DCHS2: variants seen among roughly 807,000 people sequenced by gnomAD.
DCHS2 encodes protocadherin-23.
In DCHS2, 142 loss-of-function variants were observed where a neutral mutation model predicts 182.4. The observed-to-expected ratio is 0.78, with a 90% CI of 0.68 to 0.89. The LOEUF is 0.89. Among genes scored for constraint, DCHS2 ranks in the 40% least tolerant of loss-of-function variants. The pLI is 0.00. For missense variants in DCHS2, 4,319 were observed against 4,198.6 expected (o/e 1.03, Z -0.79); for synonymous variants, 1,740 against 1,663.3 (o/e 1.05, Z -1.12).
intron 1 of DCHS2, among the ~76,000 whole-genome samples, chr4:154,435,156 G>A (rs902576610): frequency 2.0e-5 from 3 of 152,172 alleles, no homozygotes; most frequent in African/African-American, 7.2e-5. Context: ...CAGAGAATCT[G>A]TACTATCCTT....
At chr4:154,401,731 G>A (rs987584177) in intron 1 of DCHS2, among the ~76,000 whole-genome samples, 3 of 152,280 alleles carry the variant, frequency 2.0e-5, no homozygotes, top group South Asian at 4.1e-4. Flanking sequence ...GGTAGCTCAC[G>A]CCTGTAATCC....
At chr4:154,330,521 C>A (rs187773771) in intron 5 of DCHS2, among the ~76,000 whole-genome samples, 2 of 152,184 alleles carry the variant, frequency 1.3e-5, no homozygotes, top group Admixed American at 6.5e-5. Flanking sequence ...GACAAGCACT[C>A]GGTCCAATAG....
At chr4:154,474,556 C>T (rs1223575903) in intron 1 of DCHS2, among the ~76,000 whole-genome samples, 1 of 152,186 alleles carries the variant, frequency 6.6e-6, no homozygotes, top group Non-Finnish European at 1.5e-5. Context: ...CCTTCCTCTA[C>T]GCCCGACCCT....
intron 10 of DCHS2, among the ~76,000 whole-genome samples, chr4:154,309,183 A>C (rs1456991340): frequency 6.6e-6 from 1 of 152,110 alleles, no homozygotes; most frequent in Non-Finnish European, 1.5e-5. Context: ...TCAGTTCTTC[A>C]CATGGTGTAT....
At chr4:154,294,317 A>G (rs1295482090) in intron 13 of DCHS2, among the ~76,000 whole-genome samples, 1 of 152,190 alleles carries the variant, frequency 6.6e-6, no homozygotes, top group African/African-American at 2.4e-5. Flanking sequence ...GGGGAAGGAG[A>G]AAAACTGTGA....
intron 3 of DCHS2, among the ~76,000 whole-genome samples, chr4:154,350,798 A>G (rs1198367414): frequency 6.6e-6 from 1 of 152,212 alleles, no homozygotes; most frequent in Non-Finnish European, 1.5e-5. Flanking sequence ...TATTAACTTT[A>G]GGTAGAAGAT....
intron 10 of DCHS2, among the ~76,000 whole-genome samples, chr4:154,313,707 A>G (rs914265971): frequency 2.0e-5 from 3 of 152,214 alleles, no homozygotes; most frequent in African/African-American, 4.8e-5. Context: ...GTGTTTACAT[A>G]ACCACCTACT....
chr4:154,334,728 C>T, intron 4 of DCHS2, 140 bp downstream of exon 4: 2 of 664,798 alleles, frequency 3.0e-6, no homozygotes, highest in Non-Finnish European at 2.6e-6. Flanking sequence ...GAACAAAGAG[C>T]AAGCCACAGT....
chr4:154,388,376 GT>G (rs1731512139), intron 1 of DCHS2, among the ~76,000 whole-genome samples: 1 of 151,344 alleles, frequency 6.6e-6, no homozygotes, highest in Non-Finnish European at 1.5e-5. Context: ...AAAAAATTCA[GT>G]GTATACAATT....
In DCHS2 at chr4:154,433,118, A is replaced by G. The variant is rs536190761; in HGVS notation, c.2053-55674T>C. 1.4e-3 allele frequency among the ~76,000 whole-genome samples: 209 copies of G among 152,294 alleles called. 1 individual carries two copies. The highest frequency in any genetic ancestry group is 4.7e-3 in the African/African-American group (196 of 41,582). ...TTGGATTAGGCGGACCCTAAACCCA[A>G]TGACTGAATTTTTATTTATAAAAAG... On this transcript the variant is annotated intron_variant, in intron 1 of 19. Coordinates refer to ENST00000357232, the MANE Select transcript of DCHS2 (RefSeq NM_001358235.2).
intron 10 of DCHS2, among the ~76,000 whole-genome samples, chr4:154,306,312 A>G (rs1195013771): frequency 1.3e-5 from 2 of 152,136 alleles, no homozygotes; most frequent in Non-Finnish European, 2.9e-5. Context: ...ATTTGATATG[A>G]CATGGTCAGA....
chr4:154,448,855 CT>C (rs1297131653), intron 1 of DCHS2, among the ~76,000 whole-genome samples: 12 of 152,184 alleles, frequency 7.9e-5, no homozygotes, highest in African/African-American at 2.4e-4. Flanking sequence ...CAGGACATGC[CT>C]GTCCTCTCCA....
Position 154,298,118 on chromosome 4 carries a change from C to A in DCHS2, c.6196G>T (p.Asp2066Tyr). 6.2e-7 allele frequency: 1 copy of A among 1,614,140 alleles called. No individual in the cohort carries two copies. The highest frequency in any genetic ancestry group is 1.1e-5 in the South Asian group (1 of 91,082). Reference protein sequence around the residue: ...TTVIVRADDLDLGPNGTVVFS... With the variant: ...TTVIVRADDLYLGPNGTVVFS... ...ACCACAGTTCCATTGGGCCCCAAGTCCAGGTCATCAGCTCTCACAATGACA... is the reference window on the plus strand; with the variant it reads ...ACCACAGTTCCATTGGGCCCCAAGTACAGGTCATCAGCTCTCACAATGACA... Residue 2066 changes from aspartate (D) to tyrosine (Y), a missense_variant, in exon 13 of 20, where the codon GAC becomes TAC. Coordinates refer to ENST00000357232, the MANE Select transcript of DCHS2 (RefSeq NM_001358235.2).
chr4:154,305,246 A>G lies in DCHS2; in HGVS notation c.5261-15T>C, dbSNP rs373223102. 60 of 1,596,812 alleles carry G rather than the reference A, an allele frequency of 3.8e-5. No individual in the cohort carries two copies. The highest frequency in any genetic ancestry group is 1.7e-4 in the Middle Eastern group (1 of 5,962). ...GGAATTGACTCCTTAAGAAAAATAT[A>G]AAGAAAAACTTAGCAATCATTTCTT... On this transcript the variant is annotated splice_polypyrimidine_tract_variant and intron_variant, in intron 10 of 19. Transcript: ENST00000357232.
chr4:154,450,946 G>A (rs1405668034), intron 1 of DCHS2, among the ~76,000 whole-genome samples: 1 of 152,196 alleles, frequency 6.6e-6, no homozygotes, highest in Admixed American at 6.5e-5. Context: ...TGTTGCATCT[G>A]GTCCCTCCTA....
rs560115610 is a variant in DCHS2 at position 154,322,660 on chromosome 4, T to C, written c.4019-172A>G. ...ACAAGAAACATCACTTTTTAAAAAT[T>C]TTTATTATGGAAAATGCATACAAAA... On this transcript the variant is annotated intron_variant, in intron 7 of 19. Coordinates refer to ENST00000357232, the MANE Select transcript of DCHS2 (RefSeq NM_001358235.2). The C allele has an allele frequency of 4.2e-5, 36 of 862,484 alleles. No individual in the cohort carries two copies. The East Asian group carries it at 9.5e-4, about 23-fold the overall frequency. 53.4% of individuals were successfully genotyped at this position (862,484 alleles called of 1,614,324 possible). A position where few individuals can be genotyped will look rare whatever the true frequency, so the allele number is the denominator to read the frequency against.
intron 18 of DCHS2, among the ~76,000 whole-genome samples, chr4:154,239,665 C>T (rs1222631614): frequency 6.6e-6 from 1 of 151,978 alleles, no homozygotes. Context: ...CCTATCACCA[C>T]ACCAGGCTAA....
At chr4:154,436,245 C>T (rs1054931894) in intron 1 of DCHS2, among the ~76,000 whole-genome samples, 3 of 152,056 alleles carry the variant, frequency 2.0e-5, no homozygotes, top group African/African-American at 4.8e-5. Context: ...TGTATTGGTC[C>T]TTTGTGTGTC....
chr4:154,341,883 TTCCAGAAGC>T, intron 3 of DCHS2, among the ~76,000 whole-genome samples: 1 of 152,284 alleles, frequency 6.6e-6, no homozygotes. Context: ...GGTTAATTAT[TTCCAGAAGC>T]CCAAAAGTTT....
Sources: gnomAD v4.1 joint callset for allele counts (sites outside exome capture counted in the v4.1 genomes callset) on GRCh38, gnomAD v4.1.1 for gene constraint, MANE v1.5 for transcripts, NCBI Gene and HGNC (gene_info 2026-07-23, HGNC 2026-07-21) for gene names.